PUS10: variants seen among roughly 807,000 people sequenced by gnomAD.
PUS10 encodes the protein tRNA pseudouridine synthase Pus10.
In PUS10, 59 loss-of-function variants were observed where a neutral mutation model predicts 75.0. The ratio of observed to expected loss-of-function variants is 0.79; its 90% confidence interval spans 0.64 to 0.98. The LOEUF (loss-of-function observed/expected upper bound fraction) is 0.98. Ranked by LOEUF, PUS10 falls within the 50% of genes least tolerant of loss-of-function variation. The pLI, the probability that PUS10 is intolerant of heterozygous loss-of-function variation, is 0.00. For missense variants in PUS10, 650 were observed against 614.4 expected, an observed-to-expected ratio of 1.06 and a Z score of -0.61; for synonymous variants, 219 against 211.6, an observed-to-expected ratio of 1.03 and a Z score of -0.30.
chr2:60,959,989 G>A (rs912488844), intron 11 of PUS10, among the ~76,000 whole-genome samples: 17 of 150,804 alleles, frequency 1.1e-4, no homozygotes, highest in African/African-American at 4.2e-4. Context: ...GACCAGCCTG[G>A]GCAACATAGT....
intron 4 of PUS10, among the ~76,000 whole-genome samples, chr2:60,996,690 C>G (rs1302253552): frequency 6.6e-6 from 1 of 152,110 alleles, no homozygotes; most frequent in East Asian, 1.9e-4. Context: ...TCACATACCC[C>G]TACGAGACTT....
chr2:60,964,465 C>T (rs776909251), intron 8 of PUS10, among the ~76,000 whole-genome samples: 12 of 152,166 alleles, frequency 7.9e-5, no homozygotes, highest in Non-Finnish European at 1.8e-4. Flanking sequence ...ATCATTCTAT[C>T]CTGACATGAT....
intron 5 of PUS10, among the ~76,000 whole-genome samples, chr2:60,969,747 A>G (rs1316007759): frequency 1.3e-5 from 2 of 152,216 alleles, no homozygotes; most frequent in Non-Finnish European, 2.9e-5. Context: ...TCCCTATATC[A>G]GTCAGAATCT....
Position 60,942,355 on chromosome 2 carries a change from A to G in PUS10, c.*40T>C, listed in dbSNP as rs1409983160. The stretch of plus-strand genomic sequence containing the variant: ...CATGTGCTCCATGGATGTCCACATC[A>G]TGCCAGGAAAACCATACTCTTTGTC... On this transcript the variant is annotated 3_prime_UTR_variant, in exon 18 of 18. Transcript: ENST00000316752. 1 of 1,588,068 alleles carries G rather than the reference A, an allele frequency of 6.3e-7. No homozygotes were observed. The highest frequency in any genetic ancestry group is 2.2e-5 in the East Asian group (1 of 44,762).
At chr2:60,962,011 T>A (rs1316513714) in intron 9 of PUS10, among the ~76,000 whole-genome samples, 4 of 152,258 alleles carry the variant, frequency 2.6e-5, no homozygotes, top group Non-Finnish European at 5.9e-5. Flanking sequence ...ATATTTTATT[T>A]AATAAAATGA....
At chr2:61,017,948 C>T (rs1680123900) in intron 1 of PUS10, 60 bp downstream of exon 1, 20 of 1,371,320 alleles carry the variant, frequency 1.5e-5, no homozygotes, top group Non-Finnish European at 1.8e-5. Context: ...TATTCCCTTC[C>T]CCCCTTTAAC....
At chr2:60,954,624 T>A (rs952827399) in intron 12 of PUS10, among the ~76,000 whole-genome samples, 9 of 152,168 alleles carry the variant, frequency 5.9e-5, no homozygotes, top group East Asian at 5.8e-4. Flanking sequence ...TAGGGTAAAA[T>A]GAGAGACATG....
At chr2:60,995,264 T>G (rs1008080939) in intron 4 of PUS10, among the ~76,000 whole-genome samples, 1 of 152,214 alleles carries the variant, frequency 6.6e-6, no homozygotes, top group Non-Finnish European at 1.5e-5. Flanking sequence ...CAACACACTC[T>G]GCCATGAAGA....
At chr2:61,014,645 G>A (rs369616275) in intron 1 of PUS10, among the ~76,000 whole-genome samples, 1 of 152,280 alleles carries the variant, frequency 6.6e-6, no homozygotes, top group East Asian at 1.9e-4. Flanking sequence ...ATGATCAACT[G>A]CCCATATTTT....
At chr2:60,974,629 C>T (rs1037012810) in intron 4 of PUS10, among the ~76,000 whole-genome samples, 2 of 152,322 alleles carry the variant, frequency 1.3e-5, no homozygotes, top group African/African-American at 2.4e-5. Flanking sequence ...TAGGGCTCTG[C>T]GGTTTCTAGC....
In PUS10 at chr2:60,948,104, T is replaced by C; in HGVS notation, c.1390A>G (p.Met464Val). 2 of 1,614,056 alleles carry C rather than the reference T, an allele frequency of 1.2e-6. No homozygotes were observed. Among genetic ancestry groups the C allele is most frequent in the Non-Finnish European group, 1.7e-6 (2 of 1,179,994 alleles). Reference sequence around the variant, plus strand: ...TGCTCATCCACGTACTGTGTCTCCATGAAGTGAATGACGCGAGCTCGCACA... The same window carrying C: ...TGCTCATCCACGTACTGTGTCTCCACGAAGTGAATGACGCGAGCTCGCACA... ...LAVRARVIHF[M>V]ETQYVDEHHF... Residue 464 changes from methionine (M) to valine (V), a missense_variant, in exon 16 of 18, where the codon ATG (methionine) becomes GTG (valine). Met to Val is a conservative substitution (Grantham distance 21). Coordinates refer to ENST00000316752, the MANE Select transcript of PUS10 (RefSeq NM_144709.4).
At chr2:60,989,496 A>G (rs1677942072) in intron 4 of PUS10, among the ~76,000 whole-genome samples, 1 of 152,196 alleles carries the variant, frequency 6.6e-6, no homozygotes, top group Non-Finnish European at 1.5e-5. Flanking sequence ...ACCTTGGCAG[A>G]TTGCTAGATA....
At chr2:60,951,555 C>A (rs781163019) in intron 15 of PUS10, among the ~76,000 whole-genome samples, 40 of 152,114 alleles carry the variant, frequency 2.6e-4, no homozygotes, top group Non-Finnish European at 1.2e-4. Context: ...ATCCCTCGCA[C>A]GTGTCATTTC....
At position 61,018,050 on chromosome 2, in the gene PUS10, G is replaced by C; in HGVS notation, c.-58C>G. On this transcript the variant is annotated 5_prime_UTR_variant, in exon 1 of 18. Transcript: ENST00000316752. Reference sequence around the variant, plus strand: ...TCTCACAGCTGTTTCTGACCCGGCAGCTCTAATCAGCAACGTTTTTTTCGG... The same window carrying C: ...TCTCACAGCTGTTTCTGACCCGGCACCTCTAATCAGCAACGTTTTTTTCGG... 2 of 1,473,026 alleles carry C rather than the reference G, an allele frequency of 1.4e-6. No homozygotes were observed. The highest frequency in any genetic ancestry group is 1.4e-5 in the African/African-American group (1 of 70,720). 91.2% of individuals were successfully genotyped at this position (1,473,026 alleles called of 1,614,324 possible).
intron 4 of PUS10, among the ~76,000 whole-genome samples, chr2:60,992,261 C>G (rs369632948): frequency 1.3e-5 from 2 of 152,134 alleles, no homozygotes; most frequent in Admixed American, 1.3e-4. Context: ...AGTGATTCCC[C>G]TGTCTTAGCC....
chr2:60,959,284 C>G (rs956227874), intron 11 of PUS10, among the ~76,000 whole-genome samples: 2 of 152,178 alleles, frequency 1.3e-5, no homozygotes, highest in African/African-American at 4.8e-5. Context: ...TCATATTCCC[C>G]CAAAGAGGCC....
intron 11 of PUS10, among the ~76,000 whole-genome samples, chr2:60,957,955 T>G (rs6712953): frequency 0.07 from 10,602 of 152,326 alleles, 1,280 homozygotes; most frequent in African/African-American, 0.24. Flanking sequence ...ACATGAACTT[T>G]TGCTTGGCTC....
At position 60,967,140 on chromosome 2, in the gene PUS10, A is replaced by T. The variant is rs1369454797; in HGVS notation, c.615+362T>A. On this transcript the variant is annotated intron_variant, in intron 6 of 17. Transcript: ENST00000316752. ...TTGAAAACAAGATTAGCCACAGATA[A>T]ACCAAAATTAAATAGTCCAGAGTTG... The T allele has an allele frequency of 1.6e-5, 3 of 186,570 alleles. No homozygotes were observed. The Admixed American group carries it at 1.9e-4, about 12-fold the overall frequency. 11.6% of individuals were successfully genotyped at this position (186,570 alleles called of 1,614,324 possible). A position where few individuals can be genotyped will look rare whatever the true frequency, so the allele number is the denominator to read the frequency against.
chr2:60,948,795 T>C (rs1438636298), intron 15 of PUS10, among the ~76,000 whole-genome samples: 1 of 152,200 alleles, frequency 6.6e-6, no homozygotes, highest in Non-Finnish European at 1.5e-5. Context: ...GGCTTGTTTT[T>C]CTCACAATTC....
Sources: allele counts gnomAD v4.1 joint callset (sites outside exome capture counted in the v4.1 genomes callset), GRCh38; gene constraint gnomAD v4.1.1; transcripts MANE v1.5; gene names NCBI Gene and HGNC (gene_info 2026-07-23, HGNC 2026-07-21).